The following HECTD4 variants were observed in gnomAD, a reference collection of about 807,000 sequenced individuals.
The protein encoded by HECTD4 is HECT domain E3 ubiquitin protein ligase 4, also known as probable E3 ubiquitin-protein ligase HECTD4.
Under a neutral mutation model 471.5 loss-of-function variants are expected in HECTD4, and 114 were observed. The observed-to-expected ratio is 0.24, with a 90% CI of 0.21 to 0.28. The LOEUF (loss-of-function observed/expected upper bound fraction) is 0.28. HECTD4 is among the 10% of genes least tolerant of loss of function. The pLI, the probability that HECTD4 is intolerant of heterozygous loss-of-function variation, is 1.00. For synonymous variants in HECTD4, 2,012 were observed against 2,256.0 expected (o/e 0.89, Z 3.07); for missense variants, 3,866 against 5,651.5 (o/e 0.68, Z 10.13).
chr12:112,250,689 C>T (rs1301168106), intron 24 of HECTD4, among the ~76,000 whole-genome samples: 1 of 152,208 alleles, frequency 6.6e-6, no homozygotes, highest in African/African-American at 2.4e-5. Context: ...TTTGCTTTAT[C>T]ACACATCCAC....
chr12:112,228,140 C>T lies in HECTD4; in HGVS notation c.6803G>A (p.Gly2268Glu). 1 of 1,613,696 alleles carries T rather than the reference C, an allele frequency of 6.2e-7. No individual in the cohort carries two copies. Among genetic ancestry groups the T allele is most frequent in the Non-Finnish European group, 8.5e-7 (1 of 1,179,788 alleles). ...IHTSLPATGD[G>E]SAPVMAVVRL... ...AACGACTGCCATCACAGGAGCTGAC[C>T]CATCTCCTGTTGCAGGAAGTGAGGT... Residue 2268 changes from glycine (G) to glutamate (E), a missense_variant, in exon 43 of 76, where the codon GGG becomes GAG. Physicochemically the swap from Gly to Glu is moderately conservative, Grantham distance 98. Transcript: ENST00000682272. The surrounding 1 kb of genome is among the most constrained non-coding windows in gnomAD (Gnocchi z 4.9).
intron 38 of HECTD4, among the ~76,000 whole-genome samples, chr12:112,232,191 T>C (rs1250380391): frequency 3.9e-5 from 6 of 152,196 alleles, no homozygotes; most frequent in Non-Finnish European, 8.8e-5. Context: ...AGTGCAGTGG[T>C]GCGATCTCGG....
intron 70 of HECTD4, 73 bp from the exon 71 acceptor site, chr12:112,167,990 C>T: frequency 8.2e-7 from 1 of 1,221,194 alleles, no homozygotes; most frequent in Non-Finnish European, 1.2e-6. Context: ...TCCCTCTCAC[C>T]TGCTGGCTGG....
At chr12:112,378,343 C>G (rs1245154339) in intron 1 of HECTD4, among the ~76,000 whole-genome samples, 1 of 151,982 alleles carries the variant, frequency 6.6e-6, no homozygotes, top group African/African-American at 2.4e-5. Flanking sequence ...CTCAGCCTCC[C>G]GAGTAGCTGG....
Position 112,210,195 on chromosome 12 carries a change from C to T in HECTD4, c.7687G>A (p.Ala2563Thr), listed in dbSNP as rs532899646. Residue 2563 changes from alanine (A) to threonine (T), a missense_variant, in exon 50 of 76, where the codon GCC (alanine) becomes ACC (threonine). By Grantham distance (58) the Ala-to-Thr change is moderately conservative (BLOSUM62 0). Coordinates refer to ENST00000682272, the MANE Select transcript of HECTD4 (RefSeq NM_001388303.1). ...SRPFAYAEGQ[A>T]HRNAADLCTD... ...CACAGGTCAGCAGCATTGCGGTGGG[C>T]CTGCCCTTCCGCGTAGGCAAACGGC... 5.3e-5 allele frequency: 86 copies of T among 1,614,016 alleles called. No homozygotes were observed. The East Asian group carries it at 1.8e-3, about 33-fold the overall frequency.
chr12:112,302,209 C>G, intron 7 of HECTD4: 1 of 1,312,130 alleles, frequency 7.6e-7, no homozygotes, highest in Admixed American at 1.9e-5. Context: ...CAATCACCAC[C>G]AGCTGAGCTT....
At chr12:112,327,503 C>T (rs1193614882) in intron 1 of HECTD4, among the ~76,000 whole-genome samples, 5 of 151,962 alleles carry the variant, frequency 3.3e-5, no homozygotes, top group African/African-American at 1.2e-4. Flanking sequence ...CTGTAAAACA[C>T]ACTTGTTCAA....
rs556475581 is a variant in HECTD4, at chr12:112,257,349, C to T, written c.3129-831G>A. 5.3e-5 allele frequency among the ~76,000 whole-genome samples: 8 copies of T among 152,290 alleles called. No individual in the cohort carries two copies. The East Asian group carries it at 9.6e-4, about 18-fold the overall frequency. On this transcript the variant is annotated intron_variant, in intron 20 of 75. Transcript: ENST00000682272. ...GCACAGATAGAAGTTTTCATCACTG[C>T]GAAAAGCTCAATTCCATAGCCTGCT...
chr12:112,167,717 C>T (rs1472424312), intron 71 of HECTD4, 97 bp downstream of exon 71: 27 of 1,200,524 alleles, frequency 2.2e-5, no homozygotes, highest in Admixed American at 5.4e-5. Context: ...GTTTCTGAAA[C>T]GGTTTGGCTT....
At chr12:112,182,702 C>CA (rs1479499042) in intron 62 of HECTD4, among the ~76,000 whole-genome samples, 1 of 152,280 alleles carries the variant, frequency 6.6e-6, no homozygotes, top group African/African-American at 2.4e-5. Flanking sequence ...GGCGCAAAGC[C>CA]ACCCCTGGTA....
rs1478117113 is a variant in HECTD4 at position 112,192,639 on chromosome 12, G to A, written c.9213C>T (p.Asn3071=). The A allele has an allele frequency of 6.2e-7, 1 of 1,609,496 alleles. No homozygotes were observed. Among genetic ancestry groups the A allele is most frequent in the South Asian group, 1.1e-5 (1 of 89,646 alleles). Residue 3071 remains asparagine, a synonymous_variant, in exon 59 of 76, where the codon AAC becomes AAT. Coordinates refer to ENST00000682272, the MANE Select transcript of HECTD4 (RefSeq NM_001388303.1). ...ACYPRDASPA[N]TGLAPPPTAD... ...CGGTGGGGGGAGGTGCAAGCCCAGT[G>A]TTGGCTGGGGACGCGTCCCGCGGGT...
In HECTD4 at chr12:112,179,041, C is replaced by T; in HGVS notation, c.11253G>A (p.Lys3751=). Residue 3751 remains lysine (K), a synonymous_variant, in exon 64 of 76, where the codon AAG becomes AAA. Coordinates refer to ENST00000682272, the MANE Select transcript of HECTD4 (RefSeq NM_001388303.1). This position sits in a 1 kb window ranked among gnomAD's most constrained non-coding sequence, Gnocchi z 4.3. ...CCTTCCCGGCCTTGCTGTACTTGCT[C>T]TTGTCAAACTTGGGCTTTGGCACGC... ...KYGVPKPKFD[K]SKYSKAGKEQ... 6.2e-7 allele frequency: 1 copy of T among 1,613,970 alleles called. No homozygotes were observed. The highest frequency in any genetic ancestry group is 8.5e-7 in the Non-Finnish European group (1 of 1,179,886).
chr12:112,176,574 C>T (rs747506356), intron 65 of HECTD4, 22 bp downstream of exon 65: 23 of 1,557,704 alleles, frequency 1.5e-5, no homozygotes, highest in Non-Finnish European at 1.6e-5. Context: ...CAGCCCACTC[C>T]AGGCCCCGTC....
chr12:112,297,632 G>A (rs1279440855), intron 7 of HECTD4, among the ~76,000 whole-genome samples: 1 of 152,016 alleles, frequency 6.6e-6, no homozygotes, highest in African/African-American at 2.4e-5. Context: ...TATCTGAAAT[G>A]GTAAAGATTT....
intron 14 of HECTD4, 49 bp from the exon 15 acceptor site, chr12:112,266,032 A>C (rs1291955272): frequency 7.8e-7 from 1 of 1,274,518 alleles, no homozygotes; most frequent in South Asian, 1.3e-5. Context: ...GACTCCTAGA[A>C]TACTGATGCT....
At position 112,246,923 on chromosome 12, in the gene HECTD4, A is replaced by C; in HGVS notation, c.4491T>G (p.Ser1497=). The C allele has an allele frequency of 6.2e-7, 1 of 1,612,126 alleles. No individual in the cohort carries two copies. Among genetic ancestry groups the C allele is most frequent in the Non-Finnish European group, 8.5e-7 (1 of 1,179,778 alleles). Residue 1497 remains serine (S), a synonymous_variant, in exon 29 of 76, where the codon TCT becomes TCG. Transcript: ENST00000682272. ...TACCTGGTGTTTCAGCAGGGGTCCC[A>C]GAGATGCTTCTCGTGAGGCCCGACT... ...AAQSGLTRSI[S]GTPAETPACK...
intron 39 of HECTD4, 25 bp from the exon 40 acceptor site, chr12:112,230,847 G>A (rs1332551696): frequency 1.2e-6 from 2 of 1,601,476 alleles, no homozygotes; most frequent in Non-Finnish European, 1.7e-6. Context: ...AGGAAAAAGT[G>A]TCAGTGCCCA....
intron 4 of HECTD4, among the ~76,000 whole-genome samples, chr12:112,310,494 A>T (rs2035350399): frequency 6.6e-6 from 1 of 152,222 alleles, no homozygotes; most frequent in African/African-American, 2.4e-5. Context: ...AATAGAGCTT[A>T]TGGATAAAAC....
At chr12:112,203,568 G>A in intron 54 of HECTD4, 68 bp downstream of exon 54, 1 of 1,308,518 alleles carries the variant, frequency 7.6e-7, no homozygotes, top group Non-Finnish European at 1.1e-6. Context: ...TAAGGTACCT[G>A]GGAATCTGGG....
Sources: allele counts gnomAD v4.1 joint callset (sites outside exome capture counted in the v4.1 genomes callset), GRCh38; gene constraint gnomAD v4.1.1; non-coding constraint Gnocchi (gnomAD v3.1); transcripts MANE v1.5; gene names NCBI Gene and HGNC (gene_info 2026-07-23, HGNC 2026-07-21).